The following DNAH6 variants were observed in gnomAD, a reference collection of about 807,000 sequenced individuals.
DNAH6 encodes axonemal beta dynein heavy chain 6.
In DNAH6, 340 loss-of-function variants were observed where a neutral mutation model predicts 491.4. The observed-to-expected ratio is 0.69, with a 90% CI of 0.63 to 0.76. The LOEUF is 0.76. Ranked by LOEUF, DNAH6 falls within the 30% of genes least tolerant of loss-of-function variation. DNAH6 has a pLI of 0.00. For missense variants in DNAH6, 4,443 were observed against 4,972.2 expected, an observed-to-expected ratio of 0.89 and a Z score of 3.20; for synonymous variants, 1,603 against 1,686.1, an observed-to-expected ratio of 0.95 and a Z score of 1.21.
At chr2:84,580,798 G>C (rs944489525) in intron 14 of DNAH6, among the ~76,000 whole-genome samples, 1 of 152,072 alleles carries the variant, frequency 6.6e-6, no homozygotes, top group Non-Finnish European at 1.5e-5. Context: ...GGCCAAAATA[G>C]GGATCCTACT....
intron 60 of DNAH6, among the ~76,000 whole-genome samples, chr2:84,724,445 A>G (rs1698438762): frequency 1.3e-5 from 2 of 152,178 alleles, no homozygotes; most frequent in Non-Finnish European, 2.9e-5. Flanking sequence ...TCCCTGTTTC[A>G]TCTCTCCAGT....
chr2:84,722,794 A>G lies in DNAH6; in HGVS notation c.9962A>G (p.Tyr3321Cys). 7.4e-6 allele frequency: 11 copies of G among 1,489,340 alleles called. No homozygotes were observed. The highest frequency in any genetic ancestry group is 9.8e-6 in the Non-Finnish European group (11 of 1,120,226). 92.3% of individuals were successfully genotyped at this position (1,489,340 alleles called of 1,614,324 possible). A position where few individuals can be genotyped will look rare whatever the true frequency, so the allele number is the denominator to read the frequency against. The change falls in exon 60 of 77, where the codon TAC (tyrosine) becomes TGC (cysteine). Residue 3321 changes from tyrosine (Y) to cysteine (C), a missense_variant. By Grantham distance (194) the Tyr-to-Cys change is radical. Coordinates refer to ENST00000389394, the MANE Select transcript of DNAH6 (RefSeq NM_001370.2). The part of the protein sequence containing the change: ...IDPMYQYSLK[Y>C]FKQLFNTTIE... ...CCTATGTACCAGTACTCATTAAAAT[A>G]CTTTAAACAGGTAAGTGTGTTCATG... is the stretch of plus-strand genomic sequence containing the variant.
chr2:84,707,795 C>G (rs982173763), intron 54 of DNAH6, 79 bp downstream of exon 54: 3 of 1,053,520 alleles, frequency 2.8e-6, no homozygotes, highest in Non-Finnish European at 4.2e-6. Context: ...TTTCTGAGTT[C>G]AGATGGAGGC....
intron 67 of DNAH6, among the ~76,000 whole-genome samples, chr2:84,786,343 T>G (rs1677184577): frequency 6.6e-6 from 1 of 151,620 alleles, no homozygotes; most frequent in Non-Finnish European, 1.5e-5. Context: ...GGAGGATTGC[T>G]TGAGCCTGGG....
chr2:84,769,204 G>A (rs1675379240), intron 64 of DNAH6, among the ~76,000 whole-genome samples: 1 of 152,186 alleles, frequency 6.6e-6, no homozygotes, highest in Non-Finnish European at 1.5e-5. Flanking sequence ...CGCTGAGAAG[G>A]GCTGCAGCCA....
Position 84,584,069 on chromosome 2 carries a change from C to A in DNAH6, c.2300C>A (p.Pro767His). 1 of 1,613,996 alleles carries A rather than the reference C, an allele frequency of 6.2e-7. No individual in the cohort carries two copies. The change falls in exon 15 of 77, where the codon CCC (proline) becomes CAC (histidine). Residue 767 changes from proline (P) to histidine (H), a missense_variant. Pro to His is a moderately conservative substitution (Grantham distance 77, BLOSUM62 -2). Coordinates refer to ENST00000389394, the MANE Select transcript of DNAH6 (RefSeq NM_001370.2). ...AAGCTTATGGAACAATATCAGGTGC[C>A]CACACCTCCTGAAGACTTTGCTGTT... is the stretch of plus-strand genomic sequence containing the variant. Reference protein sequence around the residue: ...MYKLMEQYQVPTPPEDFAVFA... With the variant: ...MYKLMEQYQVHTPPEDFAVFA...
At chr2:84,747,940 C>T (rs1673123857) in intron 63 of DNAH6, among the ~76,000 whole-genome samples, 1 of 152,196 alleles carries the variant, frequency 6.6e-6, no homozygotes, top group South Asian at 2.1e-4. Flanking sequence ...CTGGAGCCCT[C>T]TGAGCCAAGG....
At chr2:84,682,626 G>A (rs1307418971) in intron 42 of DNAH6, among the ~76,000 whole-genome samples, 2 of 152,100 alleles carry the variant, frequency 1.3e-5, no homozygotes, top group Non-Finnish European at 2.9e-5. Flanking sequence ...CCTCCACCTT[G>A]GCCATGCATA....
chr2:84,694,495 A>G lies in DNAH6; in HGVS notation c.7524+15A>G, dbSNP rs1445459786. 6.5e-7 allele frequency: 1 copy of G among 1,533,504 alleles called. No individual in the cohort carries two copies. The highest frequency in any genetic ancestry group is 8.8e-7 in the Non-Finnish European group (1 of 1,130,550). The allele number at this position is 1,533,504 out of a possible 1,614,324, so 95.0% of individuals were successfully genotyped here. On this transcript the variant is annotated intron_variant, in intron 46 of 76. Coordinates refer to ENST00000389394, the MANE Select transcript of DNAH6 (RefSeq NM_001370.2). ...CTGACACCCAGGTGTGTGTTTAAAT[A>G]GCCCATGGGTGAGAACAGGAAATGT...
At chr2:84,573,642 T>A in intron 12 of DNAH6, 55 bp downstream of exon 12, 1 of 1,452,928 alleles carries the variant, frequency 6.9e-7, no homozygotes, top group Non-Finnish European at 9.1e-7. Context: ...TGAGATTTGT[T>A]GTTTTTTAGG....
At chr2:84,548,041 G>A (rs982662814) in intron 7 of DNAH6, among the ~76,000 whole-genome samples, 3 of 152,170 alleles carry the variant, frequency 2.0e-5, no homozygotes, top group African/African-American at 7.2e-5. Flanking sequence ...TAGGAAAGAG[G>A]TAGCATAATA....
Position 84,705,767 on chromosome 2 carries a change from A to G in DNAH6, c.8727+20A>G, listed in dbSNP as rs1696369641. The G allele has an allele frequency of 1.3e-6, 2 of 1,533,046 alleles. No homozygotes were observed. Among genetic ancestry groups the G allele is most frequent in the Non-Finnish European group, 1.8e-6 (2 of 1,139,334 alleles). 95.0% of individuals were successfully genotyped at this position (1,533,046 alleles called of 1,614,324 possible). A position where few individuals can be genotyped will look rare whatever the true frequency, so the allele number is the denominator to read the frequency against. ...GCACAGGTACATTTTCTGTATTGTG[A>G]TATTTTATAGAATTGAAGGCCATGA... On this transcript the variant is annotated intron_variant, in intron 52 of 76. Coordinates refer to ENST00000389394, the MANE Select transcript of DNAH6 (RefSeq NM_001370.2).
chr2:84,625,134 A>G, intron 29 of DNAH6, 71 bp downstream of exon 29: 7 of 1,339,348 alleles, frequency 5.2e-6, no homozygotes, highest in Non-Finnish European at 6.9e-6. Flanking sequence ...ACATGACATA[A>G]CAAAATAAGG....
chr2:84,648,771 A>G (rs1382253210), intron 33 of DNAH6, among the ~76,000 whole-genome samples: 4 of 152,218 alleles, frequency 2.6e-5, no homozygotes, highest in Non-Finnish European at 1.5e-5. Flanking sequence ...AGATGCTGTG[A>G]ACGTTGTTAA....
intron 65 of DNAH6, among the ~76,000 whole-genome samples, chr2:84,781,978 T>A (rs554391157): frequency 1.3e-5 from 2 of 152,294 alleles, no homozygotes; most frequent in South Asian, 4.1e-4. Flanking sequence ...GGAAATTAAA[T>A]CCTTCCCTAT....
At chr2:84,776,921 A>G (rs551797570) in intron 64 of DNAH6, among the ~76,000 whole-genome samples, 1 of 152,388 alleles carries the variant, frequency 6.6e-6, no homozygotes, top group African/African-American at 2.4e-5. Flanking sequence ...GCCATGTAAA[A>G]GGATGAGTTC....
intron 22 of DNAH6, among the ~76,000 whole-genome samples, chr2:84,614,074 G>GAATAA (rs1306486728): frequency 3.3e-5 from 5 of 151,834 alleles, no homozygotes; most frequent in African/African-American, 1.2e-4. Flanking sequence ...GGTGGTGTAT[G>GAATAA]GTTCTATGAA....
rs535748032 is a variant in DNAH6, at chr2:84,651,608, T to A, written c.5079-1711T>A. On this transcript the variant is annotated intron_variant, in intron 33 of 76. Coordinates refer to ENST00000389394, the MANE Select transcript of DNAH6 (RefSeq NM_001370.2). ...AAGCTTTTCCTGGGGCTTTTTTTTT[T>A]AAATCTGTGCCCATTGGCATTTCTA... 6.6e-5 allele frequency among the ~76,000 whole-genome samples: 10 copies of A among 152,126 alleles called. No individual in the cohort carries two copies. The South Asian group carries it at 1.0e-3, about 16-fold the overall frequency.
intron 26 of DNAH6, among the ~76,000 whole-genome samples, chr2:84,622,109 C>G (rs1392037790): frequency 6.6e-6 from 1 of 152,198 alleles, no homozygotes; most frequent in African/African-American, 2.4e-5. Flanking sequence ...CACATTTCCT[C>G]CTCTCCCTAG....
Sources: gnomAD v4.1 joint callset for allele counts (sites outside exome capture counted in the v4.1 genomes callset) on GRCh38, gnomAD v4.1.1 for gene constraint, MANE v1.5 for transcripts, NCBI Gene and HGNC (gene_info 2026-07-23, HGNC 2026-07-21) for gene names.